The following ARMC8 variants were observed in gnomAD, a reference collection of about 807,000 sequenced individuals.
ARMC8 encodes the protein armadillo repeat-containing protein 8.
In ARMC8, 20 loss-of-function variants were observed where a neutral mutation model predicts 99.3. The observed-to-expected ratio is 0.20, with a 90% confidence interval of 0.14 to 0.29. ARMC8 has a LOEUF of 0.29. ARMC8 is among the 10% of genes least tolerant of loss of function. ARMC8 has a pLI of 1.00. For synonymous variants in ARMC8, 263 were observed against 278.3 expected (o/e 0.95, Z 0.55); for missense variants, 569 against 809.5 (o/e 0.70, Z 3.60).
intron 1 of ARMC8, among the ~76,000 whole-genome samples, chr3:138,198,833 T>G (rs1020001328): frequency 3.3e-5 from 5 of 151,024 alleles, no homozygotes; most frequent in Admixed American, 6.6e-5. Context: ...TATTTTAGAG[T>G]TTTTTTTTCA....
intron 10 of ARMC8, among the ~76,000 whole-genome samples, chr3:138,241,254 A>C (rs1559976875): frequency 6.6e-6 from 1 of 152,292 alleles, no homozygotes; most frequent in South Asian, 2.1e-4. Flanking sequence ...GAACTGGTGG[A>C]ATCTGAGTAA....
Position 138,267,282 on chromosome 3 carries a change from G to A in ARMC8, c.1386+41G>A, listed in dbSNP as rs1472171966. On this transcript the variant is annotated intron_variant, in intron 15 of 21. Transcript: ENST00000469044. ...CTTTTCCTAGACTTTGCCCAGTCCA[G>A]CTAGAGCTTACTCAAATACTTTTTA... 7.3e-6 allele frequency: 9 copies of A among 1,239,794 alleles called. 1 individual carries two copies. In the East Asian group the frequency reaches 2.3e-4, roughly 31 times the overall value. The allele number at this position is 1,239,794 out of a possible 1,614,324, so 76.8% of individuals were successfully genotyped here. A position where few individuals can be genotyped will look rare whatever the true frequency, so the allele number is the denominator to read the frequency against.
chr3:138,202,216 A>G (rs1470426648), intron 1 of ARMC8, among the ~76,000 whole-genome samples: 1 of 152,214 alleles, frequency 6.6e-6, no homozygotes. Flanking sequence ...TTGATTAGCA[A>G]CCACTGGTTT....
intron 2 of ARMC8, among the ~76,000 whole-genome samples, chr3:138,212,470 C>T (rs1285579709): frequency 2.6e-5 from 4 of 151,952 alleles, no homozygotes; most frequent in South Asian, 2.1e-4. Flanking sequence ...CCACCATGCT[C>T]GGCTAATTTT....
intron 1 of ARMC8, among the ~76,000 whole-genome samples, chr3:138,195,649 A>G (rs578087477): frequency 1.3e-5 from 2 of 152,284 alleles, no homozygotes; most frequent in South Asian, 2.1e-4. Context: ...GTTTTGCAGT[A>G]CCATCTGTCC....
At chr3:138,283,110 T>C (rs2050099495) in intron 18 of ARMC8, among the ~76,000 whole-genome samples, 2 of 152,220 alleles carry the variant, frequency 1.3e-5, no homozygotes, top group East Asian at 3.8e-4. Flanking sequence ...ATACAATTTA[T>C]GTTTCATGTC....
At chr3:138,193,404 G>A (rs1237142420) in intron 1 of ARMC8, among the ~76,000 whole-genome samples, 1 of 152,086 alleles carries the variant, frequency 6.6e-6, no homozygotes, top group East Asian at 1.9e-4. Flanking sequence ...CAGATTACAG[G>A]CGTGTGCCAC....
intron 2 of ARMC8, among the ~76,000 whole-genome samples, chr3:138,218,494 T>C (rs1280050194): frequency 1.3e-5 from 2 of 152,186 alleles, no homozygotes; most frequent in African/African-American, 2.4e-5. Flanking sequence ...ATTTCCAATA[T>C]GGTCTTGTAT....
In ARMC8 at chr3:138,241,874, C is replaced by G. The variant is rs377149557; in HGVS notation, c.929C>G (p.Pro310Arg). ...GAGACACTTGCCTATCTGATTGAAC[C>G]AGATGTTGAGCTACAGAGAATCGCT... is the stretch of plus-strand genomic sequence containing the variant. ...GAETLAYLIE[P>R]DVELQRIASI... The change falls in exon 11 of 22, where the codon CCA becomes CGA. Residue 310 changes from proline (P) to arginine (R), a missense_variant. Around this residue, in one of 2 missense-constraint regions of ARMC8, gnomAD observed 342 missense variants for 391.6 expected, o/e 0.87. Coordinates refer to ENST00000469044, the MANE Select transcript of ARMC8 (RefSeq NM_001363941.2). The G allele has an allele frequency of 1.3e-4, 210 of 1,613,960 alleles. No individual in the cohort carries two copies. Among genetic ancestry groups the G allele is most frequent in the Non-Finnish European group, 1.7e-4 (199 of 1,179,978 alleles).
chr3:138,222,267 T>G (rs1332648268), intron 3 of ARMC8, among the ~76,000 whole-genome samples: 2 of 152,224 alleles, frequency 1.3e-5, no homozygotes, highest in African/African-American at 4.8e-5. Flanking sequence ...AAAGTACATA[T>G]GCAATGTACA....
At chr3:138,188,406 T>G in intron 1 of ARMC8, 1 of 1,515,758 alleles carries the variant, frequency 6.6e-7, no homozygotes, top group Non-Finnish European at 8.9e-7. Context: ...AAAAGTTTTT[T>G]TAAAGAAAAA....
At chr3:138,245,914 A>G (rs1559983841) in intron 12 of ARMC8, 7 of 985,482 alleles carry the variant, frequency 7.1e-6, no homozygotes, top group Non-Finnish European at 8.4e-6. Context: ...TAAATTCTAC[A>G]CAAGGCTTTC....
intron 15 of ARMC8, among the ~76,000 whole-genome samples, chr3:138,268,552 G>A (rs915646531): frequency 6.6e-6 from 1 of 152,104 alleles, no homozygotes; most frequent in Non-Finnish European, 1.5e-5. Context: ...TCACTAATAC[G>A]ATTTTTTTAT....
At chr3:138,272,938 G>A in intron 16 of ARMC8, 29 bp from the exon 17 acceptor site, 6 of 1,485,944 alleles carry the variant, frequency 4.0e-6, no homozygotes, top group Non-Finnish European at 5.4e-6. Flanking sequence ...ATGTAGACAT[G>A]ATTCTTGCAA....
chr3:138,216,138 C>T (rs1312695979), intron 2 of ARMC8, among the ~76,000 whole-genome samples: 13 of 151,302 alleles, frequency 8.6e-5, no homozygotes, highest in African/African-American at 3.2e-4. Context: ...CCGCCCGCCT[C>T]GGACTTCCAA....
intron 1 of ARMC8, among the ~76,000 whole-genome samples, chr3:138,192,723 C>T (rs72973079): frequency 0.015 from 2,278 of 151,778 alleles, 54 homozygotes; most frequent in African/African-American, 0.052. Flanking sequence ...GCCATGTAGA[C>T]GGGGTTTCAC....
chr3:138,269,272 C>G (rs1354797962), intron 15 of ARMC8, among the ~76,000 whole-genome samples: 1 of 152,098 alleles, frequency 6.6e-6, no homozygotes, highest in African/African-American at 2.4e-5. Context: ...TTGCTTCTGA[C>G]GTTTCTATAA....
At chr3:138,283,491 G>A (rs1450512223) in intron 18 of ARMC8, among the ~76,000 whole-genome samples, 1 of 152,098 alleles carries the variant, frequency 6.6e-6, no homozygotes, top group East Asian at 1.9e-4. Context: ...TTCAATCACA[G>A]TGAAATGTAA....
chr3:138,216,628 A>C (rs533126250), intron 2 of ARMC8, among the ~76,000 whole-genome samples: 26 of 152,366 alleles, frequency 1.7e-4, no homozygotes, highest in African/African-American at 6.3e-4. Flanking sequence ...CAAATAATGT[A>C]AGTTGTTTAC....
Sources: gnomAD v4.1 joint callset for allele counts (sites outside exome capture counted in the v4.1 genomes callset) on GRCh38, gnomAD v4.1.1 for gene constraint, gnomAD v4.1.1 regional missense constraint, MANE v1.5 for transcripts, NCBI Gene and HGNC (gene_info 2026-07-23, HGNC 2026-07-21) for gene names.